PITPNC1: variants seen among roughly 807,000 people sequenced by gnomAD.
PITPNC1 encodes phosphatidylinositol transfer protein cytoplasmic 1.
In PITPNC1, 18 loss-of-function variants were observed where a neutral mutation model predicts 44.7. The ratio of observed to expected loss-of-function variants is 0.40; its 90% confidence interval spans 0.28 to 0.60. The LOEUF is 0.60. PITPNC1 is among the 20% of genes least tolerant of loss of function. The probability of loss-of-function intolerance (pLI) is 0.39; values close to 1 mark genes in which losing one functional copy is unlikely to be tolerated. For missense variants in PITPNC1, 290 were observed against 418.4 expected, an observed-to-expected ratio of 0.69 and a Z score of 2.68; for synonymous variants, 141 against 149.6, an observed-to-expected ratio of 0.94 and a Z score of 0.42.
chr17:67,521,813 CTG>C (rs2040328831), intron 1 of PITPNC1, among the ~76,000 whole-genome samples: 1 of 152,174 alleles, frequency 6.6e-6, no homozygotes, highest in Admixed American at 6.5e-5. Context: ...AGACGGTCGA[CTG>C]TGAATGTGAT....
chr17:67,521,364 A>C (rs1568024689), intron 1 of PITPNC1, among the ~76,000 whole-genome samples: 1 of 152,172 alleles, frequency 6.6e-6, no homozygotes, highest in Non-Finnish European at 1.5e-5. Context: ...CCCTGGCATA[A>C]TGACACAGGT....
At chr17:67,625,566 C>G (rs770913493) in intron 5 of PITPNC1, among the ~76,000 whole-genome samples, 4 of 152,176 alleles carry the variant, frequency 2.6e-5, no homozygotes, top group Non-Finnish European at 4.4e-5. Context: ...ATTCTGGCTC[C>G]TGCCCTGAAC....
In PITPNC1 at chr17:67,441,419, G is replaced by A. The variant is rs538232862; in HGVS notation, c.48+63217G>A. 5.3e-5 allele frequency among the ~76,000 whole-genome samples: 8 copies of A among 152,210 alleles called. No homozygotes were observed. The South Asian group carries it at 1.7e-3, about 32-fold the overall frequency. On this transcript the variant is annotated intron_variant, in intron 1 of 8. Coordinates refer to ENST00000581322, the MANE Select transcript of PITPNC1 (RefSeq NM_012417.4). ...CCAGAGCTCAGCCTCTGATTTGCTC[G>A]GCAGAGATGGGGCTATGTACATATC... is the stretch of plus-strand genomic sequence containing the variant.
chr17:67,471,650 A>G, intron 1 of PITPNC1: 1 of 307,712 alleles, frequency 3.2e-6, no homozygotes, highest in South Asian at 3.0e-5. Context: ...GACATCATAT[A>G]CCCCCTAAAG....
At chr17:67,443,088 T>G (rs890988249) in intron 1 of PITPNC1, among the ~76,000 whole-genome samples, 1 of 151,894 alleles carries the variant, frequency 6.6e-6, no homozygotes, top group African/African-American at 2.4e-5. Context: ...GAGCGAAAAT[T>G]CAGCCCCCTC....
intron 1 of PITPNC1, among the ~76,000 whole-genome samples, chr17:67,527,223 T>G (rs2040401908): frequency 6.6e-6 from 1 of 152,172 alleles, no homozygotes; most frequent in Admixed American, 6.5e-5. Context: ...GCCTAGATTT[T>G]TAAAGCATTT....
chr17:67,457,575 A>AGACG (rs2039273438), intron 1 of PITPNC1: 1 of 152,244 alleles, frequency 6.6e-6, no homozygotes, highest in South Asian at 2.1e-4. Context: ...TTTTTAGTAG[A>AGACG]GACGGGGTTT....
At chr17:67,613,986 C>T (rs934634641) in intron 5 of PITPNC1, among the ~76,000 whole-genome samples, 2 of 145,980 alleles carry the variant, frequency 1.4e-5, no homozygotes, top group South Asian at 2.2e-4. Context: ...CTCAGGAGAC[C>T]GAGGTGGGAG....
intron 1 of PITPNC1, among the ~76,000 whole-genome samples, chr17:67,446,166 C>G (rs994951776): frequency 6.6e-6 from 1 of 151,544 alleles, no homozygotes; most frequent in South Asian, 2.1e-4. Flanking sequence ...AGGATGGTCT[C>G]GATCTCTTGA....
chr17:67,446,203 C>G (rs568187701), intron 1 of PITPNC1, among the ~76,000 whole-genome samples: 1 of 151,878 alleles, frequency 6.6e-6, no homozygotes, highest in African/African-American at 2.4e-5. Flanking sequence ...CCTCGGCCTC[C>G]CAAAGTGCTA....
chr17:67,636,167 A>G (rs1405313949), intron 6 of PITPNC1, among the ~76,000 whole-genome samples: 1 of 149,964 alleles, frequency 6.7e-6, no homozygotes, highest in Non-Finnish European at 1.5e-5. Flanking sequence ...CCATGGTGGT[A>G]GGTGCCTGTA....
intron 5 of PITPNC1, among the ~76,000 whole-genome samples, chr17:67,588,504 G>C (rs2041350817): frequency 6.6e-6 from 1 of 152,016 alleles, no homozygotes; most frequent in South Asian, 2.1e-4. Flanking sequence ...ACCCCACCCA[G>C]GGCACGAAGC....
At chr17:67,515,519 T>C (rs1283720104) in intron 1 of PITPNC1, among the ~76,000 whole-genome samples, 1 of 152,192 alleles carries the variant, frequency 6.6e-6, no homozygotes, top group African/African-American at 2.4e-5. Context: ...TAGATTCAGA[T>C]AACTGGAATG....
At chr17:67,422,834 C>T (rs952911703) in intron 1 of PITPNC1, among the ~76,000 whole-genome samples, 3 of 152,140 alleles carry the variant, frequency 2.0e-5, no homozygotes, top group East Asian at 1.9e-4. Context: ...GCTACCACGC[C>T]GGTCTAGCTT....
Position 67,599,024 on chromosome 17 carries a change from ATATATATATATTTT to A in PITPNC1, c.366+20769_366+20782del, listed in dbSNP as rs1290004672. On this transcript the variant is annotated intron_variant, in intron 5 of 8. Coordinates refer to ENST00000581322, the MANE Select transcript of PITPNC1 (RefSeq NM_012417.4). ...TACATATATATATATATATATATAT[ATATATATATATTTT>A]TTTTTTTTTTTTTTTTACCATGTTG... 2.1e-3 allele frequency among the ~76,000 whole-genome samples: 77 copies of A among 35,838 alleles called. 2 individuals are homozygous for A. The highest frequency in any genetic ancestry group is 6.8e-3 in the African/African-American group (57 of 8,400). The allele number at this position is 35,838 out of a possible 152,430, so 23.5% of individuals were successfully genotyped here. A position where few individuals can be genotyped will look rare whatever the true frequency, so the allele number is the denominator to read the frequency against.
At chr17:67,566,856 C>T (rs751383493) in intron 4 of PITPNC1, among the ~76,000 whole-genome samples, 4 of 152,220 alleles carry the variant, frequency 2.6e-5, no homozygotes, top group Admixed American at 1.3e-4. Flanking sequence ...TAAGAATCAG[C>T]ATGAGATCAC....
chr17:67,572,468 C>CGGG (rs34297453), intron 4 of PITPNC1, among the ~76,000 whole-genome samples: 141 of 48,910 alleles, frequency 2.9e-3, no homozygotes, highest in South Asian at 6.0e-3. Context: ...CTGGGTAAAG[C>CGGG]GGGGGGGGGG....
chr17:67,383,802 G>A (rs1466790306), intron 1 of PITPNC1, among the ~76,000 whole-genome samples: 1 of 152,198 alleles, frequency 6.6e-6, no homozygotes, highest in Non-Finnish European at 1.5e-5. Flanking sequence ...ACTTTGGGAG[G>A]CTGAGGCGGG....
At chr17:67,447,807 T>TG (rs1264055325) in intron 1 of PITPNC1, among the ~76,000 whole-genome samples, 13 of 152,250 alleles carry the variant, frequency 8.5e-5, no homozygotes, top group African/African-American at 3.1e-4. Context: ...GCTTTGAAGG[T>TG]GTTTATTTCC....
Sources: allele counts gnomAD v4.1 joint callset (sites outside exome capture counted in the v4.1 genomes callset), GRCh38; gene constraint gnomAD v4.1.1; transcripts MANE v1.5; gene names NCBI Gene and HGNC (gene_info 2026-07-23, HGNC 2026-07-21).